SNX24: variants seen among roughly 807,000 people sequenced by gnomAD.
The protein encoded by SNX24 is sorting nexin 24, also known as sorting nexin-24.
A neutral mutation model predicts 28.7 loss-of-function variants in SNX24; 22 were observed. The ratio of observed to expected loss-of-function variants is 0.77; its 90% CI spans 0.55 to 1.10. The LOEUF is 1.10. SNX24 is among the 50% of genes least tolerant of loss of function. The pLI is 0.00. For synonymous variants in SNX24, 69 were observed against 71.5 expected (o/e 0.96, Z 0.18); for missense variants, 221 against 201.1 (o/e 1.10, Z -0.60).
chr5:122,887,618 A>G (rs183224604), intron 1 of SNX24, among the ~76,000 whole-genome samples: 50 of 152,236 alleles, frequency 3.3e-4, no homozygotes, highest in African/African-American at 1.2e-3. Flanking sequence ...GGGTAATTTT[A>G]TAAGATTCCT....
chr5:122,906,363 T>C (rs1356061498), intron 1 of SNX24, among the ~76,000 whole-genome samples: 1 of 152,214 alleles, frequency 6.6e-6, no homozygotes, highest in Non-Finnish European at 1.5e-5. Context: ...TAATTGTGAG[T>C]ACAGCATAGT....
intron 1 of SNX24, among the ~76,000 whole-genome samples, chr5:122,914,191 T>A (rs201296176): frequency 1.3e-5 from 2 of 152,216 alleles, no homozygotes; most frequent in Admixed American, 1.3e-4. Context: ...ATATGCTGGA[T>A]ATACATTTAT....
intron 1 of SNX24, chr5:122,890,882 T>G (rs1756940083): frequency 2.4e-6 from 2 of 837,158 alleles, no homozygotes; most frequent in Non-Finnish European, 3.3e-6. Flanking sequence ...TGTAATCCTT[T>G]TTTGTACCTT....
rs185370734 is a variant in SNX24 at position 122,956,561 on chromosome 5, G to A, written c.249+10402G>A. ...TTCTTTAAGGTGTATGCCCAGAAGT[G>A]GATTGCTTGATCATGTAATTCCATT... is the stretch of plus-strand genomic sequence containing the variant. On this transcript the variant is annotated intron_variant, in intron 3 of 6. Transcript: ENST00000261369. Among the ~76,000 whole-genome samples, 444 of 152,188 alleles carry A rather than the reference G, an allele frequency of 2.9e-3. 3 individuals are homozygous for A. The highest frequency in any genetic ancestry group is 1.0e-2 in the African/African-American group (414 of 41,532).
chr5:122,952,755 C>T (rs930868662), intron 3 of SNX24, among the ~76,000 whole-genome samples: 3 of 152,152 alleles, frequency 2.0e-5, no homozygotes, highest in African/African-American at 7.2e-5. Flanking sequence ...CTTAAGATTA[C>T]AATAGGATGC....
chr5:122,967,617 T>C (rs1006361389), intron 3 of SNX24, among the ~76,000 whole-genome samples: 1 of 152,220 alleles, frequency 6.6e-6, no homozygotes, highest in Non-Finnish European at 1.5e-5. Flanking sequence ...TTTAGACCGA[T>C]AACAGTACTT....
chr5:122,987,703 G>T (rs35902490), intron 3 of SNX24, among the ~76,000 whole-genome samples: 33,893 of 152,042 alleles, frequency 0.22, 4,815 homozygotes, highest in Non-Finnish European at 0.33. Context: ...TTTAGAGGGG[G>T]CTAATGGGAG....
At chr5:122,864,572 G>A (rs945759712) in intron 1 of SNX24, among the ~76,000 whole-genome samples, 2 of 152,202 alleles carry the variant, frequency 1.3e-5, no homozygotes, top group Non-Finnish European at 2.9e-5. Context: ...GTGGGGAGAC[G>A]TCAGTGAGCC....
At chr5:122,853,312 A>G (rs1228913384) in intron 1 of SNX24, among the ~76,000 whole-genome samples, 10 of 151,844 alleles carry the variant, frequency 6.6e-5, no homozygotes, top group Non-Finnish European at 1.5e-4. Flanking sequence ...ATTTTTTAGT[A>G]GAGACGGGGT....
chr5:123,014,861 A>G (rs1762653961), intron 5 of SNX24, among the ~76,000 whole-genome samples: 1 of 152,154 alleles, frequency 6.6e-6, no homozygotes, highest in Non-Finnish European at 1.5e-5. Flanking sequence ...TGGTCTCTCC[A>G]CAAGACCTTT....
intron 1 of SNX24, among the ~76,000 whole-genome samples, chr5:122,911,313 G>GT (rs1443707600): frequency 2.0e-5 from 3 of 152,130 alleles, no homozygotes; most frequent in African/African-American, 4.8e-5. Context: ...TTTTGATGGG[G>GT]TTGTTTGTTT....
chr5:123,021,849 C>T (rs1437542522), intron 5 of SNX24, among the ~76,000 whole-genome samples: 1 of 152,104 alleles, frequency 6.6e-6, no homozygotes, highest in Non-Finnish European at 1.5e-5. Flanking sequence ...CTGGAATTCA[C>T]TCATCTTTAT....
intron 1 of SNX24, among the ~76,000 whole-genome samples, chr5:122,886,217 G>T (rs17149732): frequency 0.11 from 16,511 of 152,224 alleles, 1,291 homozygotes; most frequent in East Asian, 0.36. Flanking sequence ...ATTCTTGACA[G>T]TGGGAAAACA....
At chr5:122,947,301 G>A (rs371554667) in intron 3 of SNX24, among the ~76,000 whole-genome samples, 1 of 151,988 alleles carries the variant, frequency 6.6e-6, no homozygotes, top group East Asian at 1.9e-4. Context: ...ATGAATGGCT[G>A]TCCCTGAACC....
At chr5:122,926,085 G>A (rs1758682757) in intron 1 of SNX24, among the ~76,000 whole-genome samples, 1 of 152,152 alleles carries the variant, frequency 6.6e-6, no homozygotes, top group Admixed American at 6.5e-5. Context: ...CCAGGTCTGG[G>A]GATAGAGAAT....
chr5:122,857,741 C>T (rs1755266951), intron 1 of SNX24, among the ~76,000 whole-genome samples: 1 of 152,282 alleles, frequency 6.6e-6, no homozygotes, highest in Admixed American at 6.5e-5. Context: ...GACATTCTCT[C>T]ATTCTTTTTT....
intron 1 of SNX24, among the ~76,000 whole-genome samples, chr5:122,871,506 G>A (rs978648648): frequency 6.6e-6 from 1 of 152,162 alleles, no homozygotes; most frequent in Non-Finnish European, 1.5e-5. Context: ...GGTGGCTCAC[G>A]CCTGTAATCC....
At chr5:122,858,863 C>G (rs1403881566) in intron 1 of SNX24, among the ~76,000 whole-genome samples, 1 of 152,154 alleles carries the variant, frequency 6.6e-6, no homozygotes, top group Admixed American at 6.5e-5. Flanking sequence ...TTTTAAATGT[C>G]TCACTATTTC....
At chr5:122,967,284 C>G (rs1760751850) in intron 3 of SNX24, among the ~76,000 whole-genome samples, 2 of 152,200 alleles carry the variant, frequency 1.3e-5, no homozygotes, top group South Asian at 4.1e-4. Flanking sequence ...GTCGGTCTGC[C>G]TAAATATGAG....
Sources: allele counts gnomAD v4.1 joint callset (sites outside exome capture counted in the v4.1 genomes callset), GRCh38; gene constraint gnomAD v4.1.1; transcripts MANE v1.5; gene names NCBI Gene and HGNC (gene_info 2026-07-23, HGNC 2026-07-21).